Variants in ARHGAP23 observed in about 807,000 individuals in gnomAD.
ARHGAP23 encodes the protein rho GTPase-activating protein 23.
A neutral mutation model predicts 136.3 loss-of-function variants in ARHGAP23; 34 were observed. The ratio of observed to expected loss-of-function variants is 0.25; its 90% confidence interval spans 0.19 to 0.33. The LOEUF (loss-of-function observed/expected upper bound fraction) is 0.33. Ranked by LOEUF, ARHGAP23 falls within the 10% of genes least tolerant of loss-of-function variation. ARHGAP23 has a pLI of 1.00. For missense variants in ARHGAP23, 1,808 were observed against 2,139.0 expected, an observed-to-expected ratio of 0.85 and a Z score of 3.05; for synonymous variants, 832 against 920.5, an observed-to-expected ratio of 0.90 and a Z score of 1.74.
chr17:38,428,381 G>C (rs1199931900), upstream of ARHGAP23: 202 of 402,176 alleles, frequency 5.0e-4, 1 homozygote, highest in African/African-American at 3.1e-3. Context: ...ACCCCGGGGG[G>C]GGCCCCCCCA....
At chr17:38,430,332 G>A (rs2038658730) in intron 1 of ARHGAP23, among the ~76,000 whole-genome samples, 2 of 152,182 alleles carry the variant, frequency 1.3e-5, no homozygotes, top group South Asian at 4.2e-4. Context: ...GTCTGACTAC[G>A]GGAATAGGTC....
intron 23 of ARHGAP23, among the ~76,000 whole-genome samples, chr17:38,505,009 T>TTTTTTTTTTTC (rs2040601910): frequency 9.7e-6 from 1 of 103,382 alleles, no homozygotes; most frequent in African/African-American, 4.2e-5. Context: ...TTTTTTTTTT[T>TTTTTTTTTTTC]TTTTTTTTTT....
intron 1 of ARHGAP23, among the ~76,000 whole-genome samples, chr17:38,429,978 C>A (rs969188137): frequency 1.1e-4 from 16 of 152,134 alleles, no homozygotes; most frequent in African/African-American, 3.9e-4. Context: ...CATTTCGCCT[C>A]CAAAGGCAGC....
chr17:38,426,550 C>CAAAAAAAAAAAAAAAAAAA (rs751365956), upstream of ARHGAP23, among the ~76,000 whole-genome samples: 184 of 51,160 alleles, frequency 3.6e-3, 10 homozygotes, highest in East Asian at 0.011. Context: ...AACTCCATCT[C>CAAAAAAAAAAAAAAAAAAA]AAAAAAAAAA....
chr17:38,435,950 G>T lies in ARHGAP23; in HGVS notation c.63+7402G>T, dbSNP rs559861108. Among the ~76,000 whole-genome samples, 3 of 152,268 alleles carry T rather than the reference G, an allele frequency of 2.0e-5. No homozygotes were observed. In the East Asian group the frequency reaches 5.8e-4, roughly 29 times the overall value. On this transcript the variant is annotated intron_variant, in intron 1 of 23. Transcript: ENST00000622683. Reference sequence around the variant, plus strand: ...TTTCCTCTTCTGGAGGTGTGGCCCTGGGCTCCTCCCCAAGAGAGGTGGAGG... The same window carrying T: ...TTTCCTCTTCTGGAGGTGTGGCCCTTGGCTCCTCCCCAAGAGAGGTGGAGG...
At chr17:38,456,415 G>A (rs939681405) in intron 1 of ARHGAP23, among the ~76,000 whole-genome samples, 2 of 152,168 alleles carry the variant, frequency 1.3e-5, no homozygotes, top group South Asian at 2.1e-4. Flanking sequence ...CTAGTGAAGC[G>A]GGAGCTCCTC....
intron 1 of ARHGAP23, among the ~76,000 whole-genome samples, chr17:38,456,096 C>G (rs998343155): frequency 6.6e-6 from 1 of 152,194 alleles, no homozygotes; most frequent in South Asian, 2.1e-4. Flanking sequence ...TCTCCCTTGC[C>G]TGGAGCTCCA....
upstream of ARHGAP23, among the ~76,000 whole-genome samples, chr17:38,427,341 G>A (rs1185862913): frequency 3.3e-5 from 5 of 152,044 alleles, no homozygotes; most frequent in African/African-American, 1.2e-4. Context: ...GCATGGGCCT[G>A]TAGTCCCAGC....
chr17:38,480,491 G>A (rs1254361364), intron 14 of ARHGAP23, among the ~76,000 whole-genome samples: 1 of 151,986 alleles, frequency 6.6e-6, no homozygotes, highest in Non-Finnish European at 1.5e-5. Flanking sequence ...AAAATTAGCC[G>A]GGTGTGGTGG....
chr17:38,479,907 G>GGGT (rs1215827458), intron 14 of ARHGAP23, 24 bp downstream of exon 14: 1 of 1,543,322 alleles, frequency 6.5e-7, no homozygotes, highest in African/African-American at 1.4e-5. Context: ...CACTGAGACA[G>GGGT]GGTGGTGTGT....
chr17:38,508,362 T>C (rs1425632925), intron 23 of ARHGAP23, among the ~76,000 whole-genome samples: 1 of 151,524 alleles, frequency 6.6e-6, no homozygotes, highest in Non-Finnish European at 1.5e-5. Flanking sequence ...AAAGGAAGGG[T>C]TGGTAGGGCT....
intron 16 of ARHGAP23, among the ~76,000 whole-genome samples, chr17:38,483,144 C>T (rs1367238325): frequency 6.6e-6 from 1 of 152,202 alleles, no homozygotes. Context: ...TCTTCCTCCT[C>T]CTTCTCTTCC....
intron 2 of ARHGAP23, among the ~76,000 whole-genome samples, chr17:38,459,573 T>A (rs991308847): frequency 1.3e-5 from 2 of 152,182 alleles, no homozygotes; most frequent in African/African-American, 4.8e-5. Flanking sequence ...CCCCTCCTGC[T>A]GCCCCCAGCA....
At chr17:38,462,256 T>C (rs1462087982) in intron 3 of ARHGAP23, among the ~76,000 whole-genome samples, 2 of 133,892 alleles carry the variant, frequency 1.5e-5, no homozygotes, top group East Asian at 2.2e-4. Context: ...CCTTTTTTTT[T>C]TTTTTTTTTT....
At chr17:38,479,657 G>T in intron 13 of ARHGAP23, 96 bp from the exon 14 acceptor site, 1 of 1,424,220 alleles carries the variant, frequency 7.0e-7, no homozygotes, top group South Asian at 1.4e-5. Flanking sequence ...TTGCCTCAGG[G>T]TGGAGGGGAG....
At chr17:38,474,411 C>T (rs575491112) in intron 11 of ARHGAP23, among the ~76,000 whole-genome samples, 5 of 152,110 alleles carry the variant, frequency 3.3e-5, no homozygotes, top group African/African-American at 7.2e-5. Flanking sequence ...CAGGGCTTGC[C>T]GGCTGCTGGG....
At chr17:38,425,294 C>T (rs887257373), upstream of ARHGAP23, among the ~76,000 whole-genome samples, 2 of 152,188 alleles carry the variant, frequency 1.3e-5, no homozygotes, top group Non-Finnish European at 2.9e-5. Context: ...CCTGGTTCGC[C>T]CTGAGCATCA....
intron 6 of ARHGAP23, among the ~76,000 whole-genome samples, chr17:38,465,835 G>A (rs551053423): frequency 4.4e-4 from 67 of 152,234 alleles, no homozygotes; most frequent in African/African-American, 1.5e-3. Context: ...GGACATAAGG[G>A]GGCAGGCAGG....
intron 1 of ARHGAP23, among the ~76,000 whole-genome samples, chr17:38,444,749 G>A (rs2038993856): frequency 6.6e-6 from 1 of 152,068 alleles, no homozygotes; most frequent in African/African-American, 2.4e-5. Context: ...CCAGCTCCTG[G>A]GCAACCTCTG....
Sources: allele counts gnomAD v4.1 joint callset (sites outside exome capture counted in the v4.1 genomes callset), GRCh38; gene constraint gnomAD v4.1.1; transcripts MANE v1.5; gene names NCBI Gene and HGNC (gene_info 2026-07-23, HGNC 2026-07-21).